The following UBE2E2 variants were observed in gnomAD, a reference collection of about 807,000 sequenced individuals.
UBE2E2 encodes ubiquitin-conjugating enzyme E2 E2.
In UBE2E2, 6 loss-of-function variants were observed where a neutral mutation model predicts 24.7. That is an observed-to-expected ratio of 0.24 (90% CI 0.13 to 0.48). The LOEUF is 0.48. UBE2E2 is among the 20% of genes least tolerant of loss of function. UBE2E2 has a pLI of 0.99. For synonymous variants in UBE2E2, 104 were observed against 83.6 expected, an observed-to-expected ratio of 1.24 and a Z score of -1.33; for missense variants, 169 against 245.0, an observed-to-expected ratio of 0.69 and a Z score of 2.07.
chr3:23,270,152 CTTTTTTTTTT>C (rs71051207), intron 3 of UBE2E2, among the ~76,000 whole-genome samples: 1 of 100,726 alleles, frequency 9.9e-6, no homozygotes, highest in Admixed American at 1.1e-4. Context: ...CCCCCTCCTC[CTTTTTTTTTT>C]TTTTTTTTTT....
intron 5 of UBE2E2, among the ~76,000 whole-genome samples, chr3:23,573,883 A>G (rs1000548198): frequency 1.3e-5 from 2 of 152,180 alleles, no homozygotes; most frequent in African/African-American, 4.8e-5. Context: ...AAAAGGGTAA[A>G]GTCTTCTCAA....
chr3:23,522,371 A>T (rs895959890), intron 4 of UBE2E2, among the ~76,000 whole-genome samples: 8 of 152,154 alleles, frequency 5.3e-5, no homozygotes, highest in African/African-American at 1.9e-4. Flanking sequence ...ACCTCAGGTG[A>T]TCTGCCCGCC....
At chr3:23,538,977 A>C (rs1429926439) in intron 5 of UBE2E2, among the ~76,000 whole-genome samples, 1 of 152,200 alleles carries the variant, frequency 6.6e-6, no homozygotes, top group Non-Finnish European at 1.5e-5. Flanking sequence ...TTTACCAAAG[A>C]ATGATTTTCT....
chr3:23,353,262 A>C (rs1195628311), intron 3 of UBE2E2, among the ~76,000 whole-genome samples: 1 of 152,062 alleles, frequency 6.6e-6, no homozygotes, highest in African/African-American at 2.4e-5. Flanking sequence ...ATCTATGACA[A>C]ACCCACAGCC....
At chr3:23,535,108 C>G (rs778513000) in intron 5 of UBE2E2, among the ~76,000 whole-genome samples, 3 of 152,142 alleles carry the variant, frequency 2.0e-5, no homozygotes, top group Admixed American at 2.0e-4. Context: ...GATTTGAAAA[C>G]CAGTTTAATT....
intron 3 of UBE2E2, among the ~76,000 whole-genome samples, chr3:23,463,758 A>C (rs1467537585): frequency 1.3e-5 from 2 of 152,180 alleles, no homozygotes; most frequent in African/African-American, 2.4e-5. Context: ...GCCTTATCAA[A>C]TATGTTTGAG....
At chr3:23,467,659 T>G (rs1698950649) in intron 3 of UBE2E2, among the ~76,000 whole-genome samples, 1 of 152,170 alleles carries the variant, frequency 6.6e-6, no homozygotes, top group African/African-American at 2.4e-5. Flanking sequence ...TGATCTATGG[T>G]TATGTAACCC....
chr3:23,503,069 C>T (rs962229920), intron 4 of UBE2E2, among the ~76,000 whole-genome samples: 3 of 150,816 alleles, frequency 2.0e-5, no homozygotes, highest in African/African-American at 7.3e-5. Context: ...CTTTTTACAC[C>T]TATTTATTTT....
intron 5 of UBE2E2, among the ~76,000 whole-genome samples, chr3:23,542,689 C>T (rs923617989): frequency 2.6e-5 from 4 of 151,878 alleles, no homozygotes; most frequent in Admixed American, 2.0e-4. Context: ...ACAAATAATA[C>T]CTGCTTATTA....
intron 3 of UBE2E2, chr3:23,449,737 T>G (rs1471362881): frequency 2.1e-6 from 1 of 469,202 alleles, no homozygotes; most frequent in Non-Finnish European, 2.8e-6. Context: ...TTCTAAAAAC[T>G]TATCTCATAT....
In UBE2E2 at chr3:23,590,527, A is replaced by T. The variant is rs1032789703; in HGVS notation, c.*696A>T. On this transcript the variant is annotated 3_prime_UTR_variant, in exon 6 of 6. Transcript: ENST00000396703. ...GCCACTTTTGACTGTGGATCAGTTG[A>T]TGTACACTTGTATTATTAAAGCACT... 6.6e-6 allele frequency: 1 copy of T among 152,630 alleles called. No individual in the cohort carries two copies. Among genetic ancestry groups the T allele is most frequent in the East Asian group, 1.9e-4 (1 of 5,202 alleles). 9.5% of individuals were successfully genotyped at this position (152,630 alleles called of 1,614,324 possible).
At chr3:23,572,006 T>G (rs1038352704) in intron 5 of UBE2E2, among the ~76,000 whole-genome samples, 4 of 152,194 alleles carry the variant, frequency 2.6e-5, no homozygotes, top group Admixed American at 2.6e-4. Flanking sequence ...GAGGGAGATA[T>G]TAATGTCTCC....
chr3:23,448,590 G>A (rs1283181314), intron 3 of UBE2E2, among the ~76,000 whole-genome samples: 1 of 152,102 alleles, frequency 6.6e-6, no homozygotes, highest in African/African-American at 2.4e-5. Flanking sequence ...AAATACTTGG[G>A]ATCTAGATAT....
chr3:23,345,201 T>A (rs547635479), intron 3 of UBE2E2, among the ~76,000 whole-genome samples: 2 of 152,352 alleles, frequency 1.3e-5, no homozygotes, highest in South Asian at 4.1e-4. Flanking sequence ...ATAAGCTGAG[T>A]ATAACTATTA....
chr3:23,587,632 A>T (rs1696656927), intron 5 of UBE2E2, among the ~76,000 whole-genome samples: 1 of 152,220 alleles, frequency 6.6e-6, no homozygotes, highest in South Asian at 2.1e-4. Context: ...AGGTAGAGAA[A>T]TGTGACTCAG....
chr3:23,320,575 A>G (rs1424756352), intron 3 of UBE2E2, among the ~76,000 whole-genome samples: 1 of 152,168 alleles, frequency 6.6e-6, no homozygotes, highest in Non-Finnish European at 1.5e-5. Context: ...ATTTCATATA[A>G]AAATAGAATC....
chr3:23,357,503 A>G (rs2125327905), intron 3 of UBE2E2, among the ~76,000 whole-genome samples: 1 of 152,116 alleles, frequency 6.6e-6, no homozygotes, highest in African/African-American at 2.4e-5. Context: ...CTAGCATAAC[A>G]GGCAGGTTTA....
intron 3 of UBE2E2, among the ~76,000 whole-genome samples, chr3:23,299,057 T>G (rs1698997931): frequency 6.6e-6 from 1 of 152,230 alleles, no homozygotes; most frequent in South Asian, 2.1e-4. Flanking sequence ...TTCTTCCAGA[T>G]TTTCTAGTTT....
At chr3:23,207,456 A>T (rs1224084266) in intron 1 of UBE2E2, among the ~76,000 whole-genome samples, 1 of 152,208 alleles carries the variant, frequency 6.6e-6, no homozygotes, top group Non-Finnish European at 1.5e-5. Flanking sequence ...CAGTGTCTTC[A>T]TCTCTTGTGA....
Sources: allele counts gnomAD v4.1 joint callset (sites outside exome capture counted in the v4.1 genomes callset), GRCh38; gene constraint gnomAD v4.1.1; transcripts MANE v1.5; gene names NCBI Gene and HGNC (gene_info 2026-07-23, HGNC 2026-07-21).